The following SDK1 variants were observed in gnomAD, a reference collection of about 807,000 sequenced individuals.
SDK1 encodes the protein protein sidekick-1.
In SDK1, 157 loss-of-function variants were observed where a neutral mutation model predicts 245.5. The observed-to-expected ratio is 0.64, with a 90% CI of 0.56 to 0.73. The LOEUF (loss-of-function observed/expected upper bound fraction) is 0.73, where lower values mean the gene tolerates loss of function less well. Ranked by LOEUF, SDK1 falls within the 30% of genes least tolerant of loss-of-function variation. The pLI is 0.00. For synonymous variants in SDK1, 1,647 were observed against 1,278.5 expected, an observed-to-expected ratio of 1.29 and a Z score of -6.15; for missense variants, 3,583 against 3,002.3, an observed-to-expected ratio of 1.19 and a Z score of -4.52.
At chr7:4,131,505 C>T (rs1009156663) in intron 27 of SDK1, among the ~76,000 whole-genome samples, 8 of 152,182 alleles carry the variant, frequency 5.3e-5, no homozygotes, top group Admixed American at 6.5e-5. Context: ...CAGGGACAGA[C>T]GTCAGCGGCC....
Position 4,265,482 on chromosome 7 carries a change from G to C in SDK1, c.*98G>C. 7.3e-7 allele frequency: 1 copy of C among 1,366,388 alleles called. No individual in the cohort carries two copies. The highest frequency in any genetic ancestry group is 1.5e-5 in the African/African-American group (1 of 65,104). 84.6% of individuals were successfully genotyped at this position (1,366,388 alleles called of 1,614,324 possible). A position where few individuals can be genotyped will look rare whatever the true frequency, so the allele number is the denominator to read the frequency against. The stretch of plus-strand genomic sequence containing the variant: ...CTCCAATAACTGAGCTGAAGTTTTT[G>C]TTTAAAAAGAAAAAAATCTGATAAG... On this transcript the variant is annotated 3_prime_UTR_variant, in exon 45 of 45. Transcript: ENST00000404826.
chr7:3,660,577 G>T (rs1443747173), intron 4 of SDK1, among the ~76,000 whole-genome samples: 1 of 152,072 alleles, frequency 6.6e-6, no homozygotes, highest in African/African-American at 2.4e-5. Flanking sequence ...TCCGCAGCCA[G>T]GTTGAAAAAA....
intron 14 of SDK1, among the ~76,000 whole-genome samples, chr7:4,005,665 A>G (rs530013665): frequency 6.6e-6 from 1 of 152,224 alleles, no homozygotes; most frequent in Non-Finnish European, 1.5e-5. Flanking sequence ...ACAGACCCGA[A>G]AGCACTTCCA....
At chr7:3,734,970 A>G (rs1336846728) in intron 4 of SDK1, among the ~76,000 whole-genome samples, 1 of 152,142 alleles carries the variant, frequency 6.6e-6, no homozygotes, top group East Asian at 1.9e-4. Context: ...CGACGTGCAC[A>G]TCCCCTATGT....
chr7:4,230,330 A>G (rs943467786), intron 40 of SDK1, among the ~76,000 whole-genome samples: 1 of 140,898 alleles, frequency 7.1e-6, no homozygotes, highest in Admixed American at 7.1e-5. Flanking sequence ...GAATGGATGG[A>G]TGGATGAATG....
intron 1 of SDK1, among the ~76,000 whole-genome samples, chr7:3,585,653 G>A (rs973142469): frequency 1.1e-4 from 16 of 152,112 alleles, no homozygotes; most frequent in African/African-American, 3.4e-4. Context: ...AACAGAGGGG[G>A]CATACAGCAG....
intron 1 of SDK1, among the ~76,000 whole-genome samples, chr7:3,472,575 A>G (rs948693707): frequency 6.6e-6 from 1 of 152,226 alleles, no homozygotes; most frequent in Admixed American, 6.5e-5. Context: ...AGCTGGTTCT[A>G]CATTTAGGTA....
In SDK1 at chr7:3,668,252, C is replaced by T. The variant is rs528512362; in HGVS notation, c.713+26147C>T. ...AGTGGGAAGGCTTATCTTTGCTCCACCTGGTGTCAGCTAGGGTGGTTCCAC... is the reference window on the plus strand; with the variant it reads ...AGTGGGAAGGCTTATCTTTGCTCCATCTGGTGTCAGCTAGGGTGGTTCCAC... On this transcript the variant is annotated intron_variant, in intron 4 of 44. Transcript: ENST00000404826. Among the ~76,000 whole-genome samples, 101 of 152,266 alleles carry T rather than the reference C, an allele frequency of 6.6e-4. 2 individuals are homozygous for T. In the South Asian group the frequency reaches 0.019, roughly 28 times the overall value.
At chr7:4,075,323 T>C (rs984469533) in intron 20 of SDK1, among the ~76,000 whole-genome samples, 1 of 152,184 alleles carries the variant, frequency 6.6e-6, no homozygotes, top group Non-Finnish European at 1.5e-5. Flanking sequence ...GGGAGCAGTT[T>C]ACGACATTAA....
At chr7:4,116,878 C>G (rs1301555968) in intron 25 of SDK1, among the ~76,000 whole-genome samples, 5 of 152,168 alleles carry the variant, frequency 3.3e-5, no homozygotes, top group Non-Finnish European at 7.3e-5. Flanking sequence ...ATGGAACTGC[C>G]CAAGCAGCAG....
chr7:4,154,921 C>G (rs1300682030), intron 30 of SDK1, among the ~76,000 whole-genome samples: 2 of 151,906 alleles, frequency 1.3e-5, no homozygotes, highest in African/African-American at 4.8e-5. Context: ...TCACCAAAAT[C>G]CATGCTCTGC....
chr7:4,072,642 T>C (rs1780326364), intron 20 of SDK1, among the ~76,000 whole-genome samples: 1 of 152,250 alleles, frequency 6.6e-6, no homozygotes, highest in African/African-American at 2.4e-5. Context: ...TGGGCAAACC[T>C]GGCTGCCGGT....
At chr7:3,833,757 A>G (rs760561120) in intron 5 of SDK1, among the ~76,000 whole-genome samples, 1 of 152,228 alleles carries the variant, frequency 6.6e-6, no homozygotes, top group Non-Finnish European at 1.5e-5. Flanking sequence ...AATAGGCAGT[A>G]TTCTGAGTCT....
intron 13 of SDK1, among the ~76,000 whole-genome samples, chr7:3,985,505 G>A (rs981190280): frequency 8.5e-5 from 13 of 152,142 alleles, no homozygotes; most frequent in Non-Finnish European, 1.6e-4. Context: ...TGACAGCTCT[G>A]CCCAGGTGCA....
intron 1 of SDK1, among the ~76,000 whole-genome samples, chr7:3,318,841 A>G (rs980470933): frequency 1.3e-5 from 2 of 152,220 alleles, no homozygotes; most frequent in African/African-American, 4.8e-5. Context: ...TGAATTTAAT[A>G]TTGACAATCA....
chr7:4,020,175 G>T (rs1786772030), intron 17 of SDK1, among the ~76,000 whole-genome samples: 1 of 152,072 alleles, frequency 6.6e-6, no homozygotes. Flanking sequence ...TTGAGTCCCA[G>T]GATAAATTGG....
intron 25 of SDK1, among the ~76,000 whole-genome samples, chr7:4,124,950 G>GGATGGGT (rs988012930): frequency 2.0e-5 from 3 of 151,672 alleles, no homozygotes; most frequent in African/African-American, 4.8e-5. Flanking sequence ...ATGGATGGAT[G>GGATGGGT]GATGGGTGAT....
chr7:3,530,348 A>C (rs964384799), intron 1 of SDK1, among the ~76,000 whole-genome samples: 1 of 152,160 alleles, frequency 6.6e-6, no homozygotes, highest in Admixed American at 6.6e-5. Context: ...AACATTTTCA[A>C]TGAAAGTTTA....
At chr7:3,721,387 G>A (rs1429813914) in intron 4 of SDK1, among the ~76,000 whole-genome samples, 1 of 152,188 alleles carries the variant, frequency 6.6e-6, no homozygotes, top group Non-Finnish European at 1.5e-5. Context: ...TTGGGTGAAG[G>A]ATGAATGGGT....
Sources: gnomAD v4.1 joint callset for allele counts (sites outside exome capture counted in the v4.1 genomes callset) on GRCh38, gnomAD v4.1.1 for gene constraint, MANE v1.5 for transcripts, NCBI Gene and HGNC (gene_info 2026-07-23, HGNC 2026-07-21) for gene names.